APC: variants seen among roughly 807,000 people sequenced by gnomAD.
APC encodes adenomatous polyposis coli protein.
In APC, 72 loss-of-function variants were observed where a neutral mutation model predicts 247.0. The ratio of observed to expected loss-of-function variants is 0.29; its 90% CI spans 0.24 to 0.35. APC has a LOEUF of 0.35. Ranked by LOEUF, APC falls within the 10% of genes least tolerant of loss-of-function variation. APC has a pLI of 1.00. For missense variants in APC, 3,400 were observed against 3,360.7 expected (o/e 1.01, Z -0.29); for synonymous variants, 1,254 against 1,162.5 (o/e 1.08, Z -1.60).
upstream of APC, among the ~76,000 whole-genome samples, chr5:112,734,037 A>G (rs1752234516): frequency 1.3e-5 from 2 of 152,288 alleles, no homozygotes; most frequent in Middle Eastern, 6.8e-3. Flanking sequence ...GACTATGAAT[A>G]TATCTCCCAG....
chr5:112,828,102 C>A, intron 13 of APC, 96 bp downstream of exon 13: 3 of 976,798 alleles, frequency 3.1e-6, no homozygotes, highest in East Asian at 2.6e-5. Context: ...GTTGTGCAAT[C>A]TCAGCTCACT....
chr5:112,734,249 A>G (rs10515446), upstream of APC, among the ~76,000 whole-genome samples: 9,216 of 152,176 alleles, frequency 0.061, 398 homozygotes, highest in East Asian at 0.13. Context: ...ATAGATAAAG[A>G]TAGACACGTG....
intron 1 of APC, among the ~76,000 whole-genome samples, chr5:112,710,107 G>C (rs1363959167): frequency 6.6e-6 from 1 of 152,112 alleles, no homozygotes; most frequent in Non-Finnish European, 1.5e-5. Context: ...GGCCTAGAAT[G>C]CTTCACTTTC....
intron 7 of APC, among the ~76,000 whole-genome samples, chr5:112,795,507 T>C (rs1419808433): frequency 6.6e-6 from 1 of 152,212 alleles, no homozygotes; most frequent in Admixed American, 6.5e-5. Flanking sequence ...GTTCTAACTC[T>C]CTTATCACAT....
intron 7 of APC, among the ~76,000 whole-genome samples, chr5:112,794,810 C>T (rs1021753983): frequency 2.0e-5 from 3 of 152,162 alleles, no homozygotes; most frequent in Non-Finnish European, 4.4e-5. Flanking sequence ...ATCCCCTTCA[C>T]GTTCAGTAAT....
Position 112,768,600 on chromosome 5 carries a change from A to G in APC, c.422+1210A>G, listed in dbSNP as rs35414976. On this transcript the variant is annotated intron_variant, in intron 4 of 15. Coordinates refer to ENST00000257430, the MANE Select transcript of APC (RefSeq NM_000038.6). ...GTTTCTACACATATAATTTATTGCAATCAGGTTAGCATATCTGTCATCTCA... is the reference window on the plus strand; with the variant it reads ...GTTTCTACACATATAATTTATTGCAGTCAGGTTAGCATATCTGTCATCTCA... Among the ~76,000 whole-genome samples the G allele has an allele frequency of 0.41, 61,590 of 151,400 alleles. 14,846 individuals are homozygous for G. The highest frequency in any genetic ancestry group is 0.66 in the East Asian group (3,366 of 5,138).
intron 1 of APC, among the ~76,000 whole-genome samples, chr5:112,754,430 C>CTAATTAGAATATGTAA (rs1754725285): frequency 6.6e-6 from 1 of 152,124 alleles, no homozygotes; most frequent in African/African-American, 2.4e-5. Context: ...AATATGTAAT[C>CTAATTAGAATATGTAA]TCATTAATCC....
At chr5:112,816,503 G>A (rs1212949041) in intron 9 of APC, among the ~76,000 whole-genome samples, 5 of 152,114 alleles carry the variant, frequency 3.3e-5, no homozygotes. Context: ...AAAGAAAATA[G>A]TTACTTTAAG....
chr5:112,725,333 T>G (rs1239941517), intron 1 of APC, among the ~76,000 whole-genome samples: 2 of 152,160 alleles, frequency 1.3e-5, no homozygotes, highest in African/African-American at 4.8e-5. Flanking sequence ...AGGCAGTTGT[T>G]AAAGATTTAA....
At chr5:112,821,604 T>G (rs1264077918) in intron 10 of APC, among the ~76,000 whole-genome samples, 1 of 152,136 alleles carries the variant, frequency 6.6e-6, no homozygotes, top group African/African-American at 2.4e-5. Context: ...CTCAACATAA[T>G]TTTAAGTTAT....
chr5:112,824,883 T>C (rs80178338), intron 11 of APC, among the ~76,000 whole-genome samples: 4,305 of 152,194 alleles, frequency 0.028, 210 homozygotes, highest in African/African-American at 0.099. Flanking sequence ...CCTAGGCTCT[T>C]TTCCTTTCTC....
intron 6 of APC, among the ~76,000 whole-genome samples, chr5:112,791,098 G>A (rs917679065): frequency 3.3e-5 from 5 of 152,098 alleles, no homozygotes; most frequent in African/African-American, 1.2e-4. Context: ...TCATAAGTGA[G>A]TTGTTTTTTC....
At position 112,841,537 on chromosome 5, in the gene APC, T is replaced by C; in HGVS notation, c.5943T>C (p.Asn1981=). 6.2e-7 allele frequency: 1 copy of C among 1,613,808 alleles called. No homozygotes were observed. The highest frequency in any genetic ancestry group is 8.5e-7 in the Non-Finnish European group (1 of 1,179,880). The change falls in exon 16 of 16, where the codon AAT becomes AAC. Residue 1981 remains asparagine, a synonymous_variant. Coordinates refer to ENST00000257430, the MANE Select transcript of APC (RefSeq NM_000038.6). This position sits in a 1 kb window ranked among gnomAD's most constrained non-coding sequence, Gnocchi z 4.6. ...SLSDIDQENN[N]KENEPIKETE... ...GTGACATTGACCAAGAAAACAACAA[T>C]AAAGAAAATGAACCTATCAAAGAGA...
At chr5:112,745,672 T>A (rs1458456693) in intron 1 of APC, among the ~76,000 whole-genome samples, 4 of 140,290 alleles carry the variant, frequency 2.9e-5, no homozygotes, top group Non-Finnish European at 4.4e-5. Context: ...TCTCCTGTCT[T>A]AGCGACCCCC....
At chr5:112,826,296 C>T (rs1763650682) in intron 11 of APC, among the ~76,000 whole-genome samples, 1 of 152,160 alleles carries the variant, frequency 6.6e-6, no homozygotes, top group East Asian at 1.9e-4. Flanking sequence ...ATAGCCTCCA[C>T]ATGCATTTTT....
chr5:112,818,856 T>TTGTTTTGTTTTTTTTG, intron 9 of APC, 110 bp from the exon 10 acceptor site: 1 of 589,742 alleles, frequency 1.7e-6, no homozygotes, highest in East Asian at 5.1e-5. Context: ...GCGGGGGGGG[T>TTGTTTTGTTTTTTTTG]TGTTTTGTTT....
In APC at chr5:112,840,179, C is replaced by G. The variant is rs1554085992; in HGVS notation, c.4585C>G (p.Gln1529Glu). ...GGAATTAAGAATAATGCCTCCAGTT[C>G]AGGAAAATGACAATGGGAATGAAAC... Reference protein sequence around the residue: ...DVELRIMPPVQENDNGNETES... With the variant: ...DVELRIMPPVEENDNGNETES... The change falls in exon 16 of 16, where the codon CAG becomes GAG. Residue 1529 changes from glutamine (Q) to glutamate (E), a missense_variant. Physicochemically the swap from Gln to Glu is conservative, Grantham distance 29. Coordinates refer to ENST00000257430, the MANE Select transcript of APC (RefSeq NM_000038.6). The surrounding 1 kb of genome is among the most constrained non-coding windows in gnomAD (Gnocchi z 4.1). 6.2e-7 allele frequency: 1 copy of G among 1,614,008 alleles called. No individual in the cohort carries two copies. The highest frequency in any genetic ancestry group is 2.2e-5 in the East Asian group (1 of 44,886).
chr5:112,833,499 T>C (rs1002747292), intron 14 of APC, among the ~76,000 whole-genome samples: 17 of 152,052 alleles, frequency 1.1e-4, no homozygotes, highest in Non-Finnish European at 2.2e-4. Flanking sequence ...ACTTTTTATA[T>C]TTTTTGTAGA....
At position 112,845,070 on chromosome 5, in the gene APC, AT is replaced by A. The variant is rs1766869569; in HGVS notation, c.*951del. The stretch of plus-strand genomic sequence containing the variant: ...ATGCCTCTTTTAAAAGCTTATATAA[AT>A]TTTTTTCTTCAGCTTCTATGCATTA... On this transcript the variant is annotated 3_prime_UTR_variant, in exon 16 of 16. Transcript: ENST00000257430. 4.3e-6 allele frequency: 1 copy of A among 232,170 alleles called. No individual in the cohort carries two copies. Among genetic ancestry groups the A allele is most frequent in the Non-Finnish European group, 8.5e-6 (1 of 117,218 alleles). The allele number at this position is 232,170 out of a possible 1,614,324, so 14.4% of individuals were successfully genotyped here. A position where few individuals can be genotyped will look rare whatever the true frequency, so the allele number is the denominator to read the frequency against.
Sources: gnomAD v4.1 joint callset for allele counts (sites outside exome capture counted in the v4.1 genomes callset) on GRCh38, gnomAD v4.1.1 for gene constraint, Gnocchi (gnomAD v3.1) non-coding constraint, MANE v1.5 for transcripts, NCBI Gene and HGNC (gene_info 2026-07-23, HGNC 2026-07-21) for gene names.